AGTPBP1: variants seen among roughly 807,000 people sequenced by gnomAD.
AGTPBP1 encodes ATP/GTP binding carboxypeptidase 1, also known as cytosolic carboxypeptidase 1.
A neutral mutation model predicts 143.9 loss-of-function variants in AGTPBP1; 70 were observed. The observed-to-expected ratio is 0.49, with a 90% confidence interval of 0.40 to 0.59. AGTPBP1 has a LOEUF of 0.59. AGTPBP1 is among the 20% of genes least tolerant of loss of function. The pLI, the probability that AGTPBP1 is intolerant of heterozygous loss-of-function variation, is 0.00. For missense variants in AGTPBP1, 1,229 were observed against 1,464.5 expected, an observed-to-expected ratio of 0.84 and a Z score of 2.62; for synonymous variants, 463 against 500.2, an observed-to-expected ratio of 0.93 and a Z score of 0.99.
At chr9:85,736,159 GTC>G (rs1823754261) in intron 1 of AGTPBP1, among the ~76,000 whole-genome samples, 2 of 152,054 alleles carry the variant, frequency 1.3e-5, no homozygotes, top group African/African-American at 4.8e-5. Flanking sequence ...GTACTACCGG[GTC>G]TGATTTTTGT....
At chr9:85,609,815 T>G (rs145766255) in intron 17 of AGTPBP1, among the ~76,000 whole-genome samples, 3 of 151,616 alleles carry the variant, frequency 2.0e-5, no homozygotes, top group Non-Finnish European at 4.4e-5. Context: ...TAGCAACAAA[T>G]TATAACTCAT....
the AGTPBP1 span, among the ~76,000 whole-genome samples, chr9:85,795,676 A>C: frequency 6.6e-6 from 1 of 152,072 alleles, no homozygotes; most frequent in African/African-American, 2.4e-5. Flanking sequence ...AGGGCACCTA[A>C]CTTTTAGGGG....
chr9:85,565,872 C>CA (rs1481546317), intron 25 of AGTPBP1, among the ~76,000 whole-genome samples: 2 of 151,950 alleles, frequency 1.3e-5, no homozygotes, highest in African/African-American at 2.4e-5. Context: ...TTCCCAGTTT[C>CA]AAAAAAATGC....
intron 2 of AGTPBP1, among the ~76,000 whole-genome samples, chr9:85,702,688 T>C (rs557194189): frequency 6.6e-6 from 1 of 152,116 alleles, no homozygotes; most frequent in South Asian, 2.1e-4. Flanking sequence ...ACCTTTTAAT[T>C]ACTCATTGAA....
intron 14 of AGTPBP1, among the ~76,000 whole-genome samples, chr9:85,630,318 G>A (rs1022019485): frequency 3.3e-5 from 5 of 152,174 alleles, no homozygotes; most frequent in African/African-American, 1.2e-4. Context: ...ACTGTTCTCA[G>A]GGTTGCAAGC....
At chr9:85,743,370 C>A (rs1784283967), upstream of AGTPBP1, among the ~76,000 whole-genome samples, 1 of 152,138 alleles carries the variant, frequency 6.6e-6, no homozygotes, top group Non-Finnish European at 1.5e-5. Flanking sequence ...AGGAGATTAA[C>A]CCACACAAGA....
At chr9:85,768,981 G>A in the AGTPBP1 span, among the ~76,000 whole-genome samples, 1 of 151,166 alleles carries the variant, frequency 6.6e-6, no homozygotes, top group African/African-American at 2.4e-5. Context: ...CCCAAGAGGT[G>A]GAGGTTGCAG....
rs60915473 is a variant in AGTPBP1, at chr9:85,639,367, GCACACA to G, written c.1302+3454_1302+3459del. Among the ~76,000 whole-genome samples the G allele has an allele frequency of 3.5e-3, 522 of 147,326 alleles. 4 individuals carry two copies. The highest frequency in any genetic ancestry group is 0.01 in the African/African-American group (420 of 40,558). ...TACACACACCCATGCGCGCGCACGCGCACACACACACACACACACACACACACACAC... is the reference window on the plus strand; with the variant it reads ...TACACACACCCATGCGCGCGCACGCGCACACACACACACACACACACACAC... On this transcript the variant is annotated intron_variant, in intron 13 of 25. Coordinates refer to ENST00000357081, the MANE Select transcript of AGTPBP1 (RefSeq NM_001330701.2).
chr9:85,557,013 TC>T (rs113724979), intron 25 of AGTPBP1, among the ~76,000 whole-genome samples: 330 of 152,318 alleles, frequency 2.2e-3, no homozygotes, highest in African/African-American at 7.5e-3. Context: ...TACATTCTTC[TC>T]TAATATGAAT....
At chr9:85,794,320 T>A in the AGTPBP1 span, among the ~76,000 whole-genome samples, 4 of 152,270 alleles carry the variant, frequency 2.6e-5, no homozygotes, top group African/African-American at 7.2e-5. Flanking sequence ...CTTTGATCAA[T>A]TTTGAATTAG....
chr9:85,776,385 C>T, the AGTPBP1 span, among the ~76,000 whole-genome samples: 1 of 152,174 alleles, frequency 6.6e-6, no homozygotes, highest in Non-Finnish European at 1.5e-5. Flanking sequence ...TTCTCTTTGC[C>T]TTTAGCAAGC....
chr9:85,796,072 G>A, the AGTPBP1 span, among the ~76,000 whole-genome samples: 1 of 151,824 alleles, frequency 6.6e-6, no homozygotes, highest in Admixed American at 6.6e-5. Context: ...GTACCAGAGG[G>A]TACGAGATCC....
Position 85,694,309 on chromosome 9 carries a change from T to C in AGTPBP1, c.33-1496A>G, listed in dbSNP as rs117798873. On this transcript the variant is annotated intron_variant, in intron 2 of 25. Transcript: ENST00000357081. ...TACTTTCTCTGATCCCTCATCTATC[T>C]TTCCCCTTCAATTAATCGACTTGTA... 8.8e-3 allele frequency among the ~76,000 whole-genome samples: 1,344 copies of C among 152,254 alleles called. 6 individuals are homozygous for C. Among genetic ancestry groups the C allele is most frequent in the Middle Eastern group, 0.017 (5 of 294 alleles).
intron 1 of AGTPBP1, among the ~76,000 whole-genome samples, chr9:85,732,460 T>C (rs1354382441): frequency 1.3e-5 from 2 of 152,052 alleles, no homozygotes; most frequent in Admixed American, 6.6e-5. Flanking sequence ...ATAACTCAAA[T>C]AGTGGTTTGG....
At chr9:85,775,981 C>T in the AGTPBP1 span, among the ~76,000 whole-genome samples, 15 of 152,228 alleles carry the variant, frequency 9.9e-5, no homozygotes, top group African/African-American at 3.1e-4. Flanking sequence ...CGGTATTTAC[C>T]GTCACAAGTC....
At chr9:85,691,577 GCA>G (rs1335737267) in intron 3 of AGTPBP1, among the ~76,000 whole-genome samples, 2 of 146,060 alleles carry the variant, frequency 1.4e-5, no homozygotes, top group Non-Finnish European at 3.0e-5. Context: ...TTTAAATCAT[GCA>G]CAGTTTTTAG....
the AGTPBP1 span, among the ~76,000 whole-genome samples, chr9:85,747,232 A>G: frequency 2.0e-5 from 3 of 152,192 alleles, no homozygotes; most frequent in Admixed American, 6.5e-5. Flanking sequence ...CCATAGGTCT[A>G]TATGTCTATC....
chr9:85,587,016 T>C (rs891959028), intron 21 of AGTPBP1, 56 bp from the exon 22 acceptor site: 42 of 1,604,402 alleles, frequency 2.6e-5, no homozygotes, highest in Middle Eastern at 3.3e-4. Context: ...AACCCTTATA[T>C]ACATTTCTTA....
intron 17 of AGTPBP1, among the ~76,000 whole-genome samples, chr9:85,605,294 T>C (rs1381321190): frequency 6.6e-6 from 1 of 152,168 alleles, no homozygotes; most frequent in African/African-American, 2.4e-5. Flanking sequence ...GTAGCAGACT[T>C]CTCAGTAGAA....
Sources: allele counts gnomAD v4.1 joint callset (sites outside exome capture counted in the v4.1 genomes callset), GRCh38; gene constraint gnomAD v4.1.1; transcripts MANE v1.5; gene names NCBI Gene and HGNC (gene_info 2026-07-23, HGNC 2026-07-21).